The following KDM4C variants were observed in gnomAD, a reference collection of about 807,000 sequenced individuals.
KDM4C encodes lysine demethylase 4C.
KDM4C carries 81 observed loss-of-function variants against 129.3 expected under a neutral mutation model. That is an observed-to-expected ratio of 0.63 (90% confidence interval 0.52 to 0.75). The LOEUF is 0.75. Ranked by LOEUF, KDM4C falls within the 30% of genes least tolerant of loss-of-function variation. The pLI is 0.00. For synonymous variants in KDM4C, 573 were observed against 456.1 expected (o/e 1.26, Z -3.26); for missense variants, 1,457 against 1,304.0 (o/e 1.12, Z -1.81).
chr9:7,039,793 G>A (rs915423856), intron 15 of KDM4C, among the ~76,000 whole-genome samples: 3 of 152,046 alleles, frequency 2.0e-5, no homozygotes, highest in Non-Finnish European at 4.4e-5. Flanking sequence ...ATGTTGAGTA[G>A]GCTGAAAAGG....
At chr9:6,931,592 C>T (rs1169253314) in intron 8 of KDM4C, among the ~76,000 whole-genome samples, 3 of 152,092 alleles carry the variant, frequency 2.0e-5, no homozygotes, top group Non-Finnish European at 4.4e-5. Context: ...CCTCCATCAC[C>T]CAAGCTCAAT....
chr9:6,873,795 C>A (rs1012997704), intron 5 of KDM4C, among the ~76,000 whole-genome samples: 11 of 152,268 alleles, frequency 7.2e-5, no homozygotes, highest in Admixed American at 7.2e-4. Flanking sequence ...TCCTAAGTTT[C>A]AGCTTATCTT....
chr9:6,854,404 A>G (rs1379449172), intron 5 of KDM4C, among the ~76,000 whole-genome samples: 1 of 151,872 alleles, frequency 6.6e-6, no homozygotes, highest in African/African-American at 2.4e-5. Flanking sequence ...ACATGCCTGT[A>G]ATCCCAGCTA....
chr9:7,015,770 TTTTA>T, intron 14 of KDM4C, 79 bp from the exon 15 acceptor site: 3 of 924,002 alleles, frequency 3.2e-6, no homozygotes, highest in Non-Finnish European at 5.2e-6. Context: ...AGTGTCCCAT[TTTTA>T]TTTATTTCAG....
At chr9:7,070,462 CATTTCAAAAAATCCCATCATA>C (rs1212695637) in intron 17 of KDM4C, among the ~76,000 whole-genome samples, 1 of 152,096 alleles carries the variant, frequency 6.6e-6, no homozygotes, top group African/African-American at 2.4e-5. Flanking sequence ...CATGAATATA[CATTTCAAAAAATCCCATCATA>C]ATAATTAACA....
chr9:7,138,710 T>C (rs567271782), intron 19 of KDM4C, among the ~76,000 whole-genome samples: 1 of 152,072 alleles, frequency 6.6e-6, no homozygotes, highest in South Asian at 2.1e-4. Context: ...TCCTAGCTCC[T>C]TGGGAGACTG....
intron 1 of KDM4C, among the ~76,000 whole-genome samples, chr9:6,751,173 T>C (rs1818052686): frequency 6.6e-6 from 1 of 152,130 alleles, no homozygotes; most frequent in Non-Finnish European, 1.5e-5. Flanking sequence ...AGGCCGGGCA[T>C]GGTGTCTCAC....
intron 18 of KDM4C, among the ~76,000 whole-genome samples, chr9:7,123,111 C>G (rs1343139886): frequency 1.3e-5 from 2 of 152,110 alleles, no homozygotes; most frequent in African/African-American, 2.4e-5. Flanking sequence ...AATGGTCATG[C>G]CTGAAGTTTC....
intron 8 of KDM4C, among the ~76,000 whole-genome samples, chr9:6,913,262 A>G (rs767661682): frequency 2.0e-5 from 3 of 152,034 alleles, no homozygotes; most frequent in Non-Finnish European, 2.9e-5. Flanking sequence ...AAAATAAAAA[A>G]CCCTTTCATT....
intron 1 of KDM4C, among the ~76,000 whole-genome samples, chr9:6,731,497 ATT>A (rs976662493): frequency 1.3e-5 from 2 of 150,472 alleles, no homozygotes; most frequent in Non-Finnish European, 1.5e-5. Context: ...CACCCAGCTA[ATT>A]TTTTTTTGTA....
rs1161762990 is a variant in KDM4C, at chr9:6,990,433, C to G, written c.1695C>G (p.Asn565Lys). Residue 565 changes from asparagine to lysine, a missense_variant, in exon 12 of 22, where the codon AAC becomes AAG. Physicochemically the swap from Asn to Lys is moderately conservative, Grantham distance 94 (BLOSUM62 0). Coordinates refer to ENST00000381309, the MANE Select transcript of KDM4C (RefSeq NM_015061.6). ...ATAACTAGATAGCAGAGGGAGAGAA[C>G]AAAACCTCTAAGAGTTGGCGCCATC... ...FKVPSIAEGE[N>K]KTSKSWRHPL... The G allele has an allele frequency of 1.2e-6, 2 of 1,610,840 alleles. No homozygotes were observed. The highest frequency in any genetic ancestry group is 1.7e-6 in the Non-Finnish European group (2 of 1,178,800).
intron 8 of KDM4C, among the ~76,000 whole-genome samples, chr9:6,937,737 A>T (rs983882218): frequency 2.0e-5 from 3 of 152,112 alleles, no homozygotes; most frequent in African/African-American, 7.2e-5. Context: ...TTTCAGACAG[A>T]GTCTTGCTCT....
chr9:7,020,728 T>G (rs1824656696), intron 15 of KDM4C, among the ~76,000 whole-genome samples: 1 of 152,214 alleles, frequency 6.6e-6, no homozygotes, highest in South Asian at 2.1e-4. Flanking sequence ...ATGAGATACT[T>G]TGATACAGAC....
chr9:6,759,100 C>CT (rs199721613), intron 1 of KDM4C, among the ~76,000 whole-genome samples: 1,598 of 152,008 alleles, frequency 0.011, 34 homozygotes, highest in African/African-American at 0.036. Context: ...ACAAGGTAAA[C>CT]TTTTTTTTGC....
At chr9:7,072,618 G>A (rs1833361616) in intron 17 of KDM4C, among the ~76,000 whole-genome samples, 1 of 152,168 alleles carries the variant, frequency 6.6e-6, no homozygotes, top group Non-Finnish European at 1.5e-5. Context: ...TTATGCATGG[G>A]TGGAGTCACT....
intron 18 of KDM4C, 156 bp from the exon 19 acceptor site, chr9:7,127,910 A>G: frequency 1.7e-6 from 1 of 601,488 alleles, no homozygotes; most frequent in Non-Finnish European, 2.7e-6. Flanking sequence ...ACTTTTCTGT[A>G]AGTTTGAAAT....
intron 18 of KDM4C, 165 bp downstream of exon 18, chr9:7,104,035 G>A (rs1837406064): frequency 3.2e-6 from 2 of 631,552 alleles, no homozygotes; most frequent in South Asian, 4.1e-5. Flanking sequence ...GTTATTTCCT[G>A]GTATTTGCCT....
At chr9:7,093,319 A>C (rs568635696) in intron 17 of KDM4C, among the ~76,000 whole-genome samples, 1 of 152,320 alleles carries the variant, frequency 6.6e-6, no homozygotes, top group South Asian at 2.1e-4. Flanking sequence ...ACGACGAATA[A>C]AATAGCTCTA....
chr9:6,896,491 A>G (rs1234940230), intron 8 of KDM4C, among the ~76,000 whole-genome samples: 5 of 150,072 alleles, frequency 3.3e-5, no homozygotes, highest in Middle Eastern at 3.2e-3. Flanking sequence ...ATATATATAA[A>G]AATATAATTT....
Sources: gnomAD v4.1 joint callset for allele counts (sites outside exome capture counted in the v4.1 genomes callset) on GRCh38, gnomAD v4.1.1 for gene constraint, MANE v1.5 for transcripts, NCBI Gene and HGNC (gene_info 2026-07-23, HGNC 2026-07-21) for gene names.